Variants in DCDC2 observed in about 807,000 individuals in gnomAD.
DCDC2 encodes the protein doublecortin domain-containing protein 2.
In DCDC2, 40 loss-of-function variants were observed where a neutral mutation model predicts 50.2. The ratio of observed to expected loss-of-function variants is 0.80; its 90% CI spans 0.62 to 1.04. The LOEUF (loss-of-function observed/expected upper bound fraction) is 1.04. Among genes scored for constraint, DCDC2 ranks in the 50% least tolerant of loss-of-function variants. DCDC2 has a pLI of 0.00. For synonymous variants in DCDC2, 234 were observed against 210.6 expected (o/e 1.11, Z -0.96); for missense variants, 570 against 581.9 (o/e 0.98, Z 0.21).
At chr6:24,248,053 G>T (rs534486409) in intron 7 of DCDC2, among the ~76,000 whole-genome samples, 1 of 152,216 alleles carries the variant, frequency 6.6e-6, no homozygotes, top group South Asian at 2.1e-4. Context: ...TCCAGCCTGG[G>T]CAACAAGAAC....
At chr6:24,292,354 AC>A (rs1763770611) in intron 4 of DCDC2, among the ~76,000 whole-genome samples, 1 of 149,648 alleles carries the variant, frequency 6.7e-6, no homozygotes, top group East Asian at 1.9e-4. Context: ...AAAAAAAAAA[AC>A]CCATTGACCT....
rs973952581 is a variant in DCDC2, at chr6:24,280,470, A to T, written c.760-2259T>A. The stretch of plus-strand genomic sequence containing the variant: ...AATATACGATTATAGCAGAAGTTCC[A>T]AAAGCATCAGCCAAGTCTCATAGTC... On this transcript the variant is annotated intron_variant, in intron 6 of 9. Transcript: ENST00000378454. Among the ~76,000 whole-genome samples, 14 of 152,184 alleles carry T rather than the reference A, an allele frequency of 9.2e-5. 1 individual carries two copies. The highest frequency in any genetic ancestry group is 8.3e-4 in the South Asian group (4 of 4,820).
At chr6:24,185,194 A>G (rs1218680261) in intron 8 of DCDC2, among the ~76,000 whole-genome samples, 6 of 152,298 alleles carry the variant, frequency 3.9e-5, no homozygotes, top group African/African-American at 1.4e-4. Flanking sequence ...TATATACCCT[A>G]ATTTCTTTCT....
In DCDC2 at chr6:24,178,432, G is replaced by A. The variant is rs763861048; in HGVS notation, c.1224C>T (p.Thr408=). 23 of 1,613,974 alleles carry A rather than the reference G, an allele frequency of 1.4e-5. 1 individual carries two copies. Among genetic ancestry groups the A allele is most frequent in the South Asian group, 1.3e-4 (12 of 91,082 alleles). ...GCAGCTCCTCACCATTCTCCTCATC[G>A]GTGCCTCCATTTACACGAGCAGGGC... ...QARPARVNGG[T]DEENGEELQQ... Residue 408 remains threonine, a synonymous_variant, in exon 9 of 10, where the codon ACC becomes ACT. Transcript: ENST00000378454.
At chr6:24,264,129 A>G (rs1763068164) in intron 7 of DCDC2, among the ~76,000 whole-genome samples, 1 of 152,266 alleles carries the variant, frequency 6.6e-6, no homozygotes, top group Non-Finnish European at 1.5e-5. Context: ...AGAAAAGTAT[A>G]TCCAGCAAAA....
rs1048516305 is a variant in DCDC2, at chr6:24,340,796, G to GCT, written c.348+12771_348+12772dup. The stretch of plus-strand genomic sequence containing the variant: ...ACTGGAGTGCAGTGGCAGGATCTTG[G>GCT]CTCACCGCAACCTCCACCTCCCCGG... On this transcript the variant is annotated intron_variant, in intron 2 of 9. Transcript: ENST00000378454. Among the ~76,000 whole-genome samples, 27 of 152,244 alleles carry GCT rather than the reference G, an allele frequency of 1.8e-4. 1 individual carries two copies. The highest frequency in any genetic ancestry group is 3.4e-3 in the Middle Eastern group (1 of 294).
At chr6:24,358,076 C>T, upstream of DCDC2, 1 of 791,486 alleles carries the variant, frequency 1.3e-6, no homozygotes, top group Non-Finnish European at 2.0e-6. Flanking sequence ...GAGCCGGAAA[C>T]GCGCGGGGCC....
chr6:24,182,648 A>AAAAAAC (rs1761102948), intron 8 of DCDC2, among the ~76,000 whole-genome samples: 1 of 150,980 alleles, frequency 6.6e-6, no homozygotes, highest in African/African-American at 2.4e-5. Context: ...AAAAAAACAG[A>AAAAAAC]AGAAAACAAG....
chr6:24,209,821 T>A (rs972258448), intron 7 of DCDC2, among the ~76,000 whole-genome samples: 3 of 152,164 alleles, frequency 2.0e-5, no homozygotes, highest in African/African-American at 7.2e-5. Flanking sequence ...CATCTCAGAA[T>A]GCAGAGCACC....
At chr6:24,214,772 C>A (rs767196097) in intron 7 of DCDC2, among the ~76,000 whole-genome samples, 11 of 152,186 alleles carry the variant, frequency 7.2e-5, no homozygotes, top group Non-Finnish European at 1.3e-4. Flanking sequence ...TCTGGTTAGT[C>A]CAACTTCCTC....
chr6:24,293,175 A>G (rs1221195052), intron 4 of DCDC2, among the ~76,000 whole-genome samples: 1 of 152,170 alleles, frequency 6.6e-6, no homozygotes, highest in Non-Finnish European at 1.5e-5. Context: ...CCTGGGCTCA[A>G]GTGATCCTCC....
intron 7 of DCDC2, among the ~76,000 whole-genome samples, chr6:24,276,286 C>A (rs1243985573): frequency 6.6e-6 from 1 of 152,066 alleles, no homozygotes; most frequent in Non-Finnish European, 1.5e-5. Context: ...CATTCTCTTT[C>A]TTCCAGGTGA....
chr6:24,359,114 A>ATT (rs1340585631), upstream of DCDC2, among the ~76,000 whole-genome samples: 5 of 56,356 alleles, frequency 8.9e-5, no homozygotes, highest in African/African-American at 5.5e-4. Flanking sequence ...TATATTATAT[A>ATT]TTATATATAT....
chr6:24,375,849 A>C, the DCDC2 span, among the ~76,000 whole-genome samples: 1 of 151,296 alleles, frequency 6.6e-6, no homozygotes, highest in Non-Finnish European at 1.5e-5. Flanking sequence ...AAGGGAGAGT[A>C]AGAGGAAGAA....
chr6:24,273,636 T>C (rs746727147), intron 7 of DCDC2, among the ~76,000 whole-genome samples: 1 of 152,236 alleles, frequency 6.6e-6, no homozygotes, highest in Non-Finnish European at 1.5e-5. Context: ...ATTTTCCTCA[T>C]GTGCTTCCGG....
intron 4 of DCDC2, among the ~76,000 whole-genome samples, chr6:24,296,039 C>T (rs1759226632): frequency 6.6e-6 from 1 of 152,136 alleles, no homozygotes; most frequent in African/African-American, 2.4e-5. Flanking sequence ...GCAAAAAGAA[C>T]AAAGCTGGAG....
chr6:24,381,803 A>AAAGGGAAGGAAGGAAGGAAGG, the DCDC2 span, among the ~76,000 whole-genome samples: 1 of 67,262 alleles, frequency 1.5e-5, no homozygotes, highest in Non-Finnish European at 2.8e-5. Flanking sequence ...GGAAGGAAAG[A>AAAGGGAAGGAAGGAAGGAAGG]AAGGAAGGAA....
In DCDC2 at chr6:24,178,370, T is replaced by TTG; in HGVS notation, c.1284_1285dup (p.Lys429ThrfsTer18). The stretch of plus-strand genomic sequence containing the variant: ...GCCAGCTCCTTGAGACTTTCTTTCC[T>TTG]TGTCTAGGACCAGTTGAAGCTCATT... On this transcript the variant is annotated frameshift_variant, in exon 9 of 10. Coordinates refer to ENST00000378454, the MANE Select transcript of DCDC2 (RefSeq NM_016356.5). LOFTEE classifies it high-confidence loss of function. The TTG allele has an allele frequency of 6.2e-7, 1 of 1,614,028 alleles. No individual in the cohort carries two copies. Among genetic ancestry groups the TTG allele is most frequent in the South Asian group, 1.1e-5 (1 of 91,036 alleles).
At chr6:24,262,370 A>C (rs940392836) in intron 7 of DCDC2, among the ~76,000 whole-genome samples, 1 of 152,244 alleles carries the variant, frequency 6.6e-6, no homozygotes, top group Non-Finnish European at 1.5e-5. Flanking sequence ...ACTGAGGGCT[A>C]AAGTGCCAGA....
Sources: allele counts gnomAD v4.1 joint callset (sites outside exome capture counted in the v4.1 genomes callset), GRCh38; gene constraint gnomAD v4.1.1; transcripts MANE v1.5; gene names NCBI Gene and HGNC (gene_info 2026-07-23, HGNC 2026-07-21).